PCDHGA4: variants seen among roughly 807,000 people sequenced by gnomAD.
PCDHGA4 encodes the protein protocadherin gamma-A4.
PCDHGA4 carries 38 observed loss-of-function variants against 54.6 expected under a neutral mutation model. The observed-to-expected ratio is 0.70, with a 90% CI of 0.54 to 0.91. The LOEUF (loss-of-function observed/expected upper bound fraction) is 0.91. Among genes scored for constraint, PCDHGA4 ranks in the 40% least tolerant of loss-of-function variants. PCDHGA4 has a pLI of 0.00. For missense variants in PCDHGA4, 1,298 were observed against 1,220.9 expected (o/e 1.06, Z -0.94); for synonymous variants, 511 against 512.9 (o/e 1.00, Z 0.05).
intron 1 of PCDHGA4, among the ~76,000 whole-genome samples, chr5:141,456,046 C>T (rs759479772): frequency 1.3e-5 from 2 of 151,904 alleles, no homozygotes; most frequent in Non-Finnish European, 2.9e-5. Context: ...TACAGGCGCC[C>T]ACCACCACGT....
At chr5:141,423,666 A>G in intron 1 of PCDHGA4, 1 of 1,494,380 alleles carries the variant, frequency 6.7e-7, no homozygotes, top group Non-Finnish European at 8.9e-7. Context: ...ATCAGGTGAG[A>G]TTTATTTCTC....
chr5:141,403,004 T>A, intron 1 of PCDHGA4: 1 of 1,613,990 alleles, frequency 6.2e-7, no homozygotes, highest in Non-Finnish European at 8.5e-7. Context: ...CCTGCTATGC[T>A]CGCTCCTGGG....
At chr5:141,404,211 T>G in intron 1 of PCDHGA4, 1 of 1,613,724 alleles carries the variant, frequency 6.2e-7, no homozygotes, top group East Asian at 2.2e-5. Context: ...GAATATAATA[T>G]CACGGTGACT....
At chr5:141,506,444 CAAAA>C (rs1219684339) in intron 3 of PCDHGA4, among the ~76,000 whole-genome samples, 5 of 95,022 alleles carry the variant, frequency 5.3e-5, no homozygotes, top group Admixed American at 1.1e-4. Context: ...CGCTCTGTCT[CAAAA>C]AAAAAAAAAA....
At chr5:141,422,318 G>A (rs778935746) in intron 1 of PCDHGA4, 10 of 1,548,110 alleles carry the variant, frequency 6.5e-6, no homozygotes, top group Non-Finnish European at 7.8e-6. Context: ...TCTCCTCCAG[G>A]TACAGTGATT....
intron 1 of PCDHGA4, chr5:141,384,315 C>G (rs1465826601): frequency 6.2e-7 from 1 of 1,613,878 alleles, no homozygotes; most frequent in Non-Finnish European, 8.5e-7. Flanking sequence ...CCTCCATTTT[C>G]TTAGTGACTG....
At chr5:141,392,694 CCT>C in intron 1 of PCDHGA4, 4 of 1,186,390 alleles carry the variant, frequency 3.4e-6, no homozygotes, top group Non-Finnish European at 4.6e-6. Flanking sequence ...AAACCCGACC[CCT>C]GTTTGGAGGC....
chr5:141,356,024 G>C lies in PCDHGA4; in HGVS notation c.917G>C (p.Gly306Ala). Reference sequence around the variant, plus strand: ...ACTGATCCAGATGAAGGAGCCAATGGAGACGTGACGTATTCTTTCCGGAAA... The same window carrying C: ...ACTGATCCAGATGAAGGAGCCAATGCAGACGTGACGTATTCTTTCCGGAAA... ...KATDPDEGAN[G>A]DVTYSFRKVR... The change falls in exon 1 of 4, where the codon GGA becomes GCA. Residue 306 changes from glycine (G) to alanine (A), a missense_variant. Transcript: ENST00000571252. The C allele has an allele frequency of 1.9e-6, 3 of 1,613,944 alleles. No individual in the cohort carries two copies. The highest frequency in any genetic ancestry group is 2.5e-6 in the Non-Finnish European group (3 of 1,179,894).
Position 141,431,980 on chromosome 5 carries a change from C to G in PCDHGA4, c.2515-62827C>G. The G allele has an allele frequency of 6.2e-7, 1 of 1,614,214 alleles. No homozygotes were observed. The highest frequency in any genetic ancestry group is 8.5e-7 in the Non-Finnish European group (1 of 1,180,024). ...GAAATTACTATAGTTTAGTCACAGACATAGTCTTGGATAGGGAACAGGTTC... is the reference window on the plus strand; with the variant it reads ...GAAATTACTATAGTTTAGTCACAGAGATAGTCTTGGATAGGGAACAGGTTC... On this transcript the variant is annotated intron_variant, in intron 1 of 3. Transcript: ENST00000571252. The surrounding 1 kb of genome is among the most constrained non-coding windows in gnomAD (Gnocchi z 4.8).
At chr5:141,441,852 G>A in intron 1 of PCDHGA4, 1 of 352,826 alleles carries the variant, frequency 2.8e-6, no homozygotes, top group South Asian at 2.4e-5. Flanking sequence ...TGGATATGGT[G>A]CTGCACGCCG....
At chr5:141,492,063 C>T in intron 1 of PCDHGA4, 1 of 481,160 alleles carries the variant, frequency 2.1e-6, no homozygotes, top group African/African-American at 2.0e-5. Flanking sequence ...CAGCCAGCCT[C>T]CTAGGCGCCG....
At position 141,355,698 on chromosome 5, in the gene PCDHGA4, C is replaced by T. The variant is rs781213427; in HGVS notation, c.591C>T (p.Ser197=). Residue 197 remains serine (S), a synonymous_variant, in exon 1 of 4, where the codon TCC becomes TCT. Transcript: ENST00000571252. ...TTGATCCGGATGTAGGTGTAAACTC[C>T]CTGCAGGGTTACCAGCTCAACTCAA... The part of the protein sequence containing the change: ...EAFDPDVGVN[S]LQGYQLNSNG... The T allele has an allele frequency of 6.2e-7, 1 of 1,613,810 alleles. No individual in the cohort carries two copies. Among genetic ancestry groups the T allele is most frequent in the Non-Finnish European group, 8.5e-7 (1 of 1,179,880 alleles).
rs200512171 is a variant in PCDHGA4, at chr5:141,418,143, T to C, written c.2514+60522T>C. ...AAGGACCGAATAGACCGTGAGCAAA[T>C]ATGCAAAGAGAGAAGAAGATGTGAG... On this transcript the variant is annotated intron_variant, in intron 1 of 3. Transcript: ENST00000571252. 2.6e-4 allele frequency: 419 copies of C among 1,613,982 alleles called. 1 individual carries two copies. In the African/African-American group the frequency reaches 5.2e-3, roughly 20 times the overall value.
chr5:141,472,994 AAAAG>A (rs1425445230), intron 1 of PCDHGA4, among the ~76,000 whole-genome samples: 7 of 151,692 alleles, frequency 4.6e-5, no homozygotes, highest in African/African-American at 1.7e-4. Context: ...AAAAAAAAAA[AAAAG>A]AAAGAAAAAG....
chr5:141,477,582 A>G lies in PCDHGA4; in HGVS notation c.2515-17225A>G. On this transcript the variant is annotated intron_variant, in intron 1 of 3. Transcript: ENST00000571252. This position sits in a 1 kb window ranked among gnomAD's most constrained non-coding sequence, Gnocchi z 4.9. Reference sequence around the variant, plus strand: ...GTCTGGGACCCCGACGCCCCGCAGAATGCTCGGCTTTCTTTCTTTCTCTTG... The same window carrying G: ...GTCTGGGACCCCGACGCCCCGCAGAGTGCTCGGCTTTCTTTCTTTCTCTTG... The G allele has an allele frequency of 6.2e-7, 1 of 1,614,190 alleles. No homozygotes were observed.
intron 1 of PCDHGA4, chr5:141,375,931 T>C (rs746995876): frequency 6.2e-6 from 10 of 1,613,646 alleles, no homozygotes; most frequent in South Asian, 4.4e-5. Context: ...AGCCAGGACT[T>C]TTCTCAGTGG....
intron 1 of PCDHGA4, chr5:141,374,557 T>C (rs1561563298): frequency 1.9e-6 from 3 of 1,613,702 alleles, no homozygotes. Flanking sequence ...TGGAGGTCTA[T>C]GACCCTGATG....
chr5:141,454,503 T>A (rs988138847), intron 1 of PCDHGA4, among the ~76,000 whole-genome samples: 1 of 152,308 alleles, frequency 6.6e-6, no homozygotes, highest in Non-Finnish European at 1.5e-5. Flanking sequence ...ACCTCCTGGA[T>A]TCAGGCAGTT....
rs748017565 is a variant in PCDHGA4 at position 141,477,404 on chromosome 5, C to G, written c.2515-17403C>G. ...AGAATACAACCTCAGCATCACCGCCCGAGACGCCGGAACCCCTTCCCTCTC... is the reference window on the plus strand; with the variant it reads ...AGAATACAACCTCAGCATCACCGCCGGAGACGCCGGAACCCCTTCCCTCTC... On this transcript the variant is annotated intron_variant, in intron 1 of 3. Coordinates refer to ENST00000571252, the MANE Select transcript of PCDHGA4 (RefSeq NM_018917.4). The surrounding 1 kb of genome is among the most constrained non-coding windows in gnomAD (Gnocchi z 4.9). The G allele has an allele frequency of 1.9e-6, 3 of 1,614,042 alleles. No homozygotes were observed. Among genetic ancestry groups the G allele is most frequent in the African/African-American group, 1.3e-5 (1 of 74,902 alleles).
Sources: allele counts gnomAD v4.1 joint callset (sites outside exome capture counted in the v4.1 genomes callset), GRCh38; gene constraint gnomAD v4.1.1; non-coding constraint Gnocchi (gnomAD v3.1); transcripts MANE v1.5; gene names NCBI Gene and HGNC (gene_info 2026-07-23, HGNC 2026-07-21).